Variants in ACO1 observed in about 807,000 individuals in gnomAD.
ACO1 encodes aconitase 1.
Under a neutral mutation model 105.1 loss-of-function variants are expected in ACO1, and 78 were observed. The ratio of observed to expected loss-of-function variants is 0.74; its 90% CI spans 0.62 to 0.90. The LOEUF is 0.90. Ranked by LOEUF, ACO1 falls within the 40% of genes least tolerant of loss-of-function variation. The pLI is 0.00. For missense variants in ACO1, 965 were observed against 1,111.1 expected (o/e 0.87, Z 1.87); for synonymous variants, 364 against 397.4 (o/e 0.92, Z 1.00).
Position 32,424,585 on chromosome 9 carries a change from T to A in ACO1, c.1108T>A (p.Cys370Ser), listed in dbSNP as rs750222926. 2.9e-5 allele frequency: 46 copies of A among 1,614,002 alleles called. No individual in the cohort carries two copies. The South Asian group carries it at 4.8e-4, about 17-fold the overall frequency. Residue 370 changes from cysteine to serine, a missense_variant, in exon 10 of 21, where the codon TGT becomes AGT. Transcript: ENST00000309951. ...AGATTTGAAAACAGTAGTGCCTTGC[T>A]GTAGTGGACCCAAAAGGCCTCAGGA... The part of the protein sequence containing the change: ...ELDLKTVVPC[C>S]SGPKRPQDKV...
intron 17 of ACO1, 54 bp from the exon 18 acceptor site, chr9:32,436,196 G>A (rs1822356135): frequency 6.2e-7 from 1 of 1,610,768 alleles, no homozygotes; most frequent in African/African-American, 1.3e-5. Context: ...TGTAAGCTAA[G>A]GTTAATCTTT....
chr9:32,434,928 C>T (rs939433357), intron 17 of ACO1, among the ~76,000 whole-genome samples: 4 of 152,154 alleles, frequency 2.6e-5, no homozygotes, highest in African/African-American at 9.7e-5. Context: ...GGAGAGGGAC[C>T]TTCATTTGAG....
rs559597694 is a variant in ACO1, at chr9:32,396,695, CTGTT to C, written c.-22-8786_-22-8783del. The stretch of plus-strand genomic sequence containing the variant: ...ATAGAATGGGTCACCATCTGATACT[CTGTT>C]TGTATATTTATTTATTTGTTTAGTC... On this transcript the variant is annotated intron_variant, in intron 1 of 20. Coordinates refer to ENST00000309951, the MANE Select transcript of ACO1 (RefSeq NM_002197.3). 2.2e-3 allele frequency among the ~76,000 whole-genome samples: 338 copies of C among 152,244 alleles called. 2 individuals carry two copies. The highest frequency in any genetic ancestry group is 6.3e-3 in the African/African-American group (260 of 41,538).
chr9:32,428,988 G>T (rs1822165409), intron 12 of ACO1, among the ~76,000 whole-genome samples: 1 of 152,208 alleles, frequency 6.6e-6, no homozygotes, highest in Non-Finnish European at 1.5e-5. Context: ...TTGGGTATAT[G>T]TGGTCTATCA....
intron 17 of ACO1, among the ~76,000 whole-genome samples, chr9:32,435,056 C>G (rs1037990671): frequency 7.2e-5 from 11 of 152,182 alleles, no homozygotes; most frequent in Non-Finnish European, 8.8e-5. Context: ...TTGCCAGGTC[C>G]TGGTTGAGAA....
chr9:32,450,461 A>C lies in ACO1; in HGVS notation c.*350A>C. ...CAGCTGAACACAAGCAAACCTTCTC[A>C]GGAGGTGTCTCCTACCCTCTTATTG... On this transcript the variant is annotated 3_prime_UTR_variant, in exon 21 of 21. Coordinates refer to ENST00000309951, the MANE Select transcript of ACO1 (RefSeq NM_002197.3). 1 of 360,000 alleles carries C rather than the reference A, an allele frequency of 2.8e-6. No homozygotes were observed. Among genetic ancestry groups the C allele is most frequent in the Non-Finnish European group, 5.4e-6 (1 of 185,258 alleles). 22.3% of individuals were successfully genotyped at this position (360,000 alleles called of 1,614,324 possible).
At chr9:32,443,891 TAC>T (rs1822536650) in intron 19 of ACO1, among the ~76,000 whole-genome samples, 1 of 152,244 alleles carries the variant, frequency 6.6e-6, no homozygotes, top group African/African-American at 2.4e-5. Flanking sequence ...TGTGCAGGTA[TAC>T]ATGTGCCGTG....
intron 12 of ACO1, among the ~76,000 whole-genome samples, chr9:32,429,111 T>A (rs1192776285): frequency 1.3e-5 from 2 of 152,242 alleles, no homozygotes; most frequent in African/African-American, 4.8e-5. Flanking sequence ...CCTCATAAAA[T>A]TCAAATCTCC....
intron 1 of ACO1, among the ~76,000 whole-genome samples, chr9:32,393,827 T>C (rs1008962014): frequency 6.6e-6 from 1 of 152,198 alleles, no homozygotes; most frequent in East Asian, 1.9e-4. Context: ...CTGCCTGGAT[T>C]TGTTCCCTCC....
chr9:32,387,420 T>C (rs191432102), intron 1 of ACO1, among the ~76,000 whole-genome samples: 5 of 152,336 alleles, frequency 3.3e-5, no homozygotes, highest in Non-Finnish European at 7.3e-5. Context: ...ACCATGGAAA[T>C]TGGCAAATGC....
Position 32,427,423 on chromosome 9 carries a change from CTG to C in ACO1, c.1473_1474del (p.Gln493AlafsTer4). On this transcript the variant is annotated frameshift_variant, in exon 12 of 21. Coordinates refer to ENST00000309951, the MANE Select transcript of ACO1 (RefSeq NM_002197.3). LOFTEE classifies it high-confidence loss of function. ...ACAAGAAAGCGGAGTCATGCCTTAT[CTG>C]TCTCAGCTTGGGTGAGGGAGAGTTT... ...YLQESGVMPY[L>X]SQLGFDVVGY... is the part of the protein sequence containing the mutation. The C allele has an allele frequency of 6.2e-7, 1 of 1,614,224 alleles. No homozygotes were observed. Among genetic ancestry groups the C allele is most frequent in the East Asian group, 2.2e-5 (1 of 44,888 alleles).
chr9:32,390,382 T>G (rs1420197603), intron 1 of ACO1, among the ~76,000 whole-genome samples: 1 of 152,216 alleles, frequency 6.6e-6, no homozygotes, highest in Non-Finnish European at 1.5e-5. Flanking sequence ...TTCGTAGTTC[T>G]CTGTAAAGCC....
rs147825175 is a variant in ACO1 at position 32,396,532 on chromosome 9, G to A, written c.-22-8953G>A. On this transcript the variant is annotated intron_variant, in intron 1 of 20. Coordinates refer to ENST00000309951, the MANE Select transcript of ACO1 (RefSeq NM_002197.3). ...GGCCTTCCTTAGACCCACCAGGCAT[G>A]CCACCACCTCAGGGCCTTTGCACGT... Among the ~76,000 whole-genome samples the A allele has an allele frequency of 4.3e-3, 647 of 152,228 alleles. 3 individuals are homozygous for A. Among genetic ancestry groups the A allele is most frequent in the African/African-American group, 0.014 (589 of 41,538 alleles).
At position 32,424,533 on chromosome 9, in the gene ACO1, T is replaced by C. The variant is rs200236829; in HGVS notation, c.1072-16T>C. 7 of 1,560,454 alleles carry C rather than the reference T, an allele frequency of 4.5e-6. No individual in the cohort carries two copies. Among genetic ancestry groups the C allele is most frequent in the Non-Finnish European group, 6.2e-6 (7 of 1,136,850 alleles). ...ATAATGTAAATTCTATAATTTCTTT[T>C]CTTTGGGGTCAACAGGTTGTGGAAT... On this transcript the variant is annotated splice_polypyrimidine_tract_variant and intron_variant, in intron 9 of 20. Coordinates refer to ENST00000309951, the MANE Select transcript of ACO1 (RefSeq NM_002197.3).
At chr9:32,419,239 G>A in intron 7 of ACO1, 62 bp downstream of exon 7, 4 of 1,449,214 alleles carry the variant, frequency 2.8e-6, no homozygotes. Flanking sequence ...TCCAATGGAG[G>A]GAATACATAA....
chr9:32,388,348 A>T (rs1008159988), intron 1 of ACO1, among the ~76,000 whole-genome samples: 1 of 152,120 alleles, frequency 6.6e-6, no homozygotes, highest in African/African-American at 2.4e-5. Context: ...GGGCAACATG[A>T]CAAAACCCCA....
intron 18 of ACO1, 105 bp from the exon 19 acceptor site, chr9:32,440,360 G>T: frequency 8.3e-7 from 1 of 1,205,142 alleles, no homozygotes; most frequent in Non-Finnish European, 1.2e-6. Flanking sequence ...GGACGGATTT[G>T]GCCATCTGCA....
At chr9:32,441,135 A>G (rs1455857213) in intron 19 of ACO1, among the ~76,000 whole-genome samples, 1 of 152,196 alleles carries the variant, frequency 6.6e-6, no homozygotes, top group Admixed American at 6.5e-5. Flanking sequence ...CTGCCTATGA[A>G]TATCTGCTTA....
At chr9:32,445,562 C>T (rs561752909) in intron 19 of ACO1, 62 of 297,750 alleles carry the variant, frequency 2.1e-4, no homozygotes, top group South Asian at 1.6e-3. Context: ...AAAACCAGCT[C>T]CTGGATTCAT....
Sources: gnomAD v4.1 joint callset for allele counts (sites outside exome capture counted in the v4.1 genomes callset) on GRCh38, gnomAD v4.1.1 for gene constraint, MANE v1.5 for transcripts, NCBI Gene and HGNC (gene_info 2026-07-23, HGNC 2026-07-21) for gene names.